Variants in NDUFS4 observed in about 807,000 individuals in gnomAD.
NDUFS4 encodes the protein NADH dehydrogenase [ubiquinone] iron-sulfur protein 4, mitochondrial.
In NDUFS4, 28 loss-of-function variants were observed where a neutral mutation model predicts 24.3. The ratio of observed to expected loss-of-function variants is 1.15; its 90% CI spans 0.85 to 1.58. The LOEUF (loss-of-function observed/expected upper bound fraction) is 1.58, where lower values mean the gene tolerates loss of function less well. Among genes scored for constraint, NDUFS4 ranks in the 40% most tolerant of loss-of-function variants. The pLI is 0.00. For missense variants in NDUFS4, 223 were observed against 207.9 expected, an observed-to-expected ratio of 1.07 and a Z score of -0.45; for synonymous variants, 93 against 69.7, an observed-to-expected ratio of 1.34 and a Z score of -1.67.
intron 2 of NDUFS4, among the ~76,000 whole-genome samples, chr5:53,641,380 G>C (rs1751702044): frequency 6.6e-6 from 1 of 152,140 alleles, no homozygotes; most frequent in South Asian, 2.1e-4. Flanking sequence ...TGTATGATTA[G>C]TAGCATCATT....
At chr5:53,579,658 G>T (rs191035461) in intron 1 of NDUFS4, among the ~76,000 whole-genome samples, 1 of 152,212 alleles carries the variant, frequency 6.6e-6, no homozygotes, top group African/African-American at 2.4e-5. Flanking sequence ...CGAGGCTTCA[G>T]TGAGCTATGA....
intron 2 of NDUFS4, among the ~76,000 whole-genome samples, chr5:53,627,375 G>T (rs1331318095): frequency 2.0e-5 from 3 of 152,112 alleles, no homozygotes; most frequent in Non-Finnish European, 4.4e-5. Context: ...CTCCTTTTTG[G>T]TTCCATATGA....
Position 53,613,776 on chromosome 5 carries a change from G to C in NDUFS4, c.177+10246G>C, listed in dbSNP as rs147722035. On this transcript the variant is annotated intron_variant, in intron 2 of 4. Transcript: ENST00000296684. ...GGAAGTGTAGATTTCATAGTGAAAT[G>C]GTCATTCCTTAATTGTTCCTTTTTT... Among the ~76,000 whole-genome samples the C allele has an allele frequency of 7.3e-3, 1,106 of 151,728 alleles. 8 individuals carry two copies. Among genetic ancestry groups the C allele is most frequent in the Non-Finnish European group, 0.013 (880 of 67,798 alleles).
At chr5:53,597,519 A>G (rs767059343) in intron 1 of NDUFS4, among the ~76,000 whole-genome samples, 1 of 152,194 alleles carries the variant, frequency 6.6e-6, no homozygotes, top group Non-Finnish European at 1.5e-5. Context: ...GGGACATAGT[A>G]TTAGTACGTT....
chr5:53,660,322 C>G (rs2112524289), intron 4 of NDUFS4, among the ~76,000 whole-genome samples: 1 of 152,236 alleles, frequency 6.6e-6, no homozygotes, highest in Non-Finnish European at 1.5e-5. Context: ...CTACAAAGGA[C>G]ATGAACTCAT....
intron 2 of NDUFS4, among the ~76,000 whole-genome samples, chr5:53,605,506 G>C (rs1750471094): frequency 6.6e-6 from 1 of 152,150 alleles, no homozygotes; most frequent in Non-Finnish European, 1.5e-5. Context: ...AGACAGACTG[G>C]ATTGGTTTGG....
chr5:53,647,252 G>T (rs1751897078), intron 3 of NDUFS4, among the ~76,000 whole-genome samples: 1 of 151,906 alleles, frequency 6.6e-6, no homozygotes, highest in Non-Finnish European at 1.5e-5. Flanking sequence ...TTGCCCCCTT[G>T]CCCAGGCTGG....
At chr5:53,632,990 A>G (rs1479807796) in intron 2 of NDUFS4, among the ~76,000 whole-genome samples, 1 of 152,174 alleles carries the variant, frequency 6.6e-6, no homozygotes, top group African/African-American at 2.4e-5. Flanking sequence ...GACATACTAC[A>G]TATGTGGCTT....
chr5:53,603,403 C>T (rs762760498), intron 1 of NDUFS4, 49 bp from the exon 2 acceptor site: 4 of 1,252,560 alleles, frequency 3.2e-6, no homozygotes, highest in East Asian at 4.9e-5. Context: ...TTGTCTGTCT[C>T]TCCTCTCATT....
At chr5:53,592,000 G>A (rs890499658) in intron 1 of NDUFS4, among the ~76,000 whole-genome samples, 4 of 152,020 alleles carry the variant, frequency 2.6e-5, no homozygotes, top group Non-Finnish European at 5.9e-5. Flanking sequence ...GCAGTGTGGC[G>A]CAATCTTGGC....
intron 4 of NDUFS4, among the ~76,000 whole-genome samples, chr5:53,681,156 A>G (rs1334875847): frequency 1.3e-5 from 2 of 152,118 alleles, no homozygotes; most frequent in Non-Finnish European, 2.9e-5. Flanking sequence ...TTGAGTGCCT[A>G]CTATAAACCA....
chr5:53,616,424 G>A (rs1161113179), intron 2 of NDUFS4, among the ~76,000 whole-genome samples: 1 of 152,104 alleles, frequency 6.6e-6, no homozygotes, highest in Non-Finnish European at 1.5e-5. Flanking sequence ...GGGTGGAATA[G>A]GGGTCATTTA....
At chr5:53,607,036 A>AT (rs980137729) in intron 2 of NDUFS4, among the ~76,000 whole-genome samples, 48 of 152,286 alleles carry the variant, frequency 3.2e-4, no homozygotes, top group Admixed American at 7.8e-4. Flanking sequence ...TTTTTCAAAT[A>AT]TTTTTTACCT....
intron 2 of NDUFS4, among the ~76,000 whole-genome samples, chr5:53,619,496 A>AAG (rs1320666210): frequency 6.7e-6 from 1 of 150,106 alleles, no homozygotes; most frequent in Non-Finnish European, 1.5e-5. Flanking sequence ...CAAAAAAAAA[A>AAG]AAAAAAAAAA....
chr5:53,597,553 C>T (rs372601775), intron 1 of NDUFS4, among the ~76,000 whole-genome samples: 3 of 152,116 alleles, frequency 2.0e-5, no homozygotes, highest in African/African-American at 7.2e-5. Flanking sequence ...TGTTTAGATA[C>T]TATTTTTCAG....
intron 2 of NDUFS4, among the ~76,000 whole-genome samples, chr5:53,640,067 T>C (rs1466270254): frequency 6.6e-6 from 1 of 151,702 alleles, no homozygotes; most frequent in Non-Finnish European, 1.5e-5. Context: ...AACATCCATT[T>C]CTGTTTTCAG....
chr5:53,659,156 C>T lies in NDUFS4; in HGVS notation c.424+532C>T, dbSNP rs185244244. On this transcript the variant is annotated intron_variant, in intron 4 of 4. Transcript: ENST00000296684. ...GTGGGCCTAATACCAAGCCTAATCT[C>T]AACTGTATAATAATATTAATGTGGC... Among the ~76,000 whole-genome samples the T allele has an allele frequency of 1.5e-3, 233 of 152,264 alleles. 1 individual carries two copies. The highest frequency in any genetic ancestry group is 2.7e-3 in the Non-Finnish European group (187 of 68,012).
Position 53,603,513 on chromosome 5 carries a change from A to G in NDUFS4, c.160A>G (p.Thr54Ala), listed in dbSNP as rs756821245. The change falls in exon 2 of 5, where the codon ACA becomes GCA. Residue 54 changes from threonine to alanine, a missense_variant. Thr to Ala is a moderately conservative substitution (Grantham distance 58). Coordinates refer to ENST00000296684, the MANE Select transcript of NDUFS4 (RefSeq NM_002495.4). ...QDQTQDTQLI[T>A]VDEKLDITTL... The stretch of plus-strand genomic sequence containing the variant: ...CCAGACTCAAGACACACAACTCATA[A>G]CAGTTGATGAAAAATTGGTAAGGAT... 7.4e-6 allele frequency: 12 copies of G among 1,613,634 alleles called. No homozygotes were observed. In the African/African-American group the frequency reaches 1.5e-4, roughly 20 times the overall value.
chr5:53,591,992 A>G (rs1029137985), intron 1 of NDUFS4, among the ~76,000 whole-genome samples: 10 of 151,948 alleles, frequency 6.6e-5, no homozygotes, highest in Non-Finnish European at 1.3e-4. Context: ...GCTGGAGTGC[A>G]GTGTGGCGCA....
Sources: allele counts gnomAD v4.1 joint callset (sites outside exome capture counted in the v4.1 genomes callset), GRCh38; gene constraint gnomAD v4.1.1; transcripts MANE v1.5; gene names NCBI Gene and HGNC (gene_info 2026-07-23, HGNC 2026-07-21).